FTSJ3: variants seen among roughly 807,000 people sequenced by gnomAD.
FTSJ3 encodes the protein FtsJ RNA 2'-O-methyltransferase 3, also known as pre-rRNA 2'-O-ribose RNA methyltransferase FTSJ3.
A neutral mutation model predicts 111.5 loss-of-function variants in FTSJ3; 46 were observed. The observed-to-expected ratio is 0.41, with a 90% CI of 0.33 to 0.53. The LOEUF is 0.53. FTSJ3 is among the 20% of genes least tolerant of loss of function. FTSJ3 has a pLI of 0.19. For synonymous variants in FTSJ3, 408 were observed against 383.0 expected, an observed-to-expected ratio of 1.07 and a Z score of -0.76; for missense variants, 1,075 against 1,063.8, an observed-to-expected ratio of 1.01 and a Z score of -0.15.
Position 63,822,153 on chromosome 17 carries a change from T to C in FTSJ3, c.1306A>G (p.Thr436Ala). 1.2e-6 allele frequency: 2 copies of C among 1,613,724 alleles called. No homozygotes were observed. The highest frequency in any genetic ancestry group is 1.7e-6 in the Non-Finnish European group (2 of 1,179,772). ...IRGHQLLEEV[T>A]QGDMSAADTF... ...TCTGCTGCACTCATATCCCCTTGTGTTACTTCCTCTAATAACTGAAGTGTA... is the reference window on the plus strand; with the variant it reads ...TCTGCTGCACTCATATCCCCTTGTGCTACTTCCTCTAATAACTGAAGTGTA... The change falls in exon 14 of 21, where the codon ACA becomes GCA. Residue 436 changes from threonine (T) to alanine (A), a missense_variant. Coordinates refer to ENST00000427159, the MANE Select transcript of FTSJ3 (RefSeq NM_017647.4).
In FTSJ3 at chr17:63,822,071, T is replaced by A. The variant is rs1305082014; in HGVS notation, c.1388A>T (p.Asp463Val). 4.3e-6 allele frequency: 7 copies of A among 1,614,214 alleles called. No homozygotes were observed. In the South Asian group the frequency reaches 7.7e-5, roughly 18 times the overall value. ...ACTATCCAGAGATGTGTCATCACCG[T>A]CGTCCTCAACATCTGACACATAGAT... ...DDIYVSDVED[D>V]GDDTSLDSDL... The change falls in exon 14 of 21, where the codon GAC becomes GTC. Residue 463 changes from aspartate to valine, a missense_variant. Physicochemically the swap from Asp to Val is radical, Grantham distance 152. Transcript: ENST00000427159.
Position 63,827,502 on chromosome 17 carries a change from C to T in FTSJ3, c.-477G>A. On this transcript the variant is annotated 5_prime_UTR_variant, in exon 1 of 21. Coordinates refer to ENST00000427159, the MANE Select transcript of FTSJ3 (RefSeq NM_017647.4). ...GCTGAAGAGAGAAGATGGCGCTTGA[C>T]GGACCAGAGCAGGTATGGCGGGTGC... The T allele has an allele frequency of 6.4e-7, 1 of 1,551,772 alleles. No homozygotes were observed. Among genetic ancestry groups the T allele is most frequent in the South Asian group, 1.2e-5 (1 of 84,070 alleles).
At position 63,827,471 on chromosome 17, in the gene FTSJ3, G is replaced by A; in HGVS notation, c.-446C>T. The A allele has an allele frequency of 6.4e-7, 1 of 1,551,752 alleles. No homozygotes were observed. The highest frequency in any genetic ancestry group is 8.7e-7 in the Non-Finnish European group (1 of 1,147,008). On this transcript the variant is annotated 5_prime_UTR_variant, in exon 1 of 21. Transcript: ENST00000427159. ...CGCCAAGACGGCTCGGATGCCGGCG[G>A]TCTCTGCTGAAGAGAGAAGATGGCG...
Position 63,824,135 on chromosome 17 carries a change from AGTT to A in FTSJ3, c.1100_1102del (p.Gln367del), listed in dbSNP as rs771936248. The A allele has an allele frequency of 1.9e-5, 31 of 1,613,938 alleles. No homozygotes were observed. The highest frequency in any genetic ancestry group is 1.3e-4 in the Admixed American group (8 of 59,996). Reference sequence around the variant, plus strand: ...CTTCATTTCTGCCAAGGTCTGGTTCAGTTGTTCCTCCTCCTCCTCTTCCTCCTC... The same window carrying A: ...CTTCATTTCTGCCAAGGTCTGGTTCAGTTCCTCCTCCTCCTCTTCCTCCTC... On this transcript the variant is annotated inframe_deletion, in exon 12 of 21. Transcript: ENST00000427159.
At position 63,825,227 on chromosome 17, in the gene FTSJ3, G is replaced by A. The variant is rs1370283295; in HGVS notation, c.595+15C>T. 6 of 1,614,076 alleles carry A rather than the reference G, an allele frequency of 3.7e-6. No individual in the cohort carries two copies. Among genetic ancestry groups the A allele is most frequent in the Non-Finnish European group, 5.1e-6 (6 of 1,179,984 alleles). On this transcript the variant is annotated intron_variant, in intron 7 of 20. Coordinates refer to ENST00000427159, the MANE Select transcript of FTSJ3 (RefSeq NM_017647.4). ...AGTTGGGAGCCTGGATCAAGAGAAA[G>A]GAAATGATGCCCACCTTGGCAGACT...
chr17:63,822,173 A>G lies in FTSJ3; in HGVS notation c.1291-5T>C, dbSNP rs746117526. On this transcript the variant is annotated splice_polypyrimidine_tract_variant and splice_region_variant and intron_variant, in intron 13 of 20. Coordinates refer to ENST00000427159, the MANE Select transcript of FTSJ3 (RefSeq NM_017647.4). Reference sequence around the variant, plus strand: ...TTGTGTTACTTCCTCTAATAACTGAAGTGTAACAGAAACAAAGGTAAACTA... The same window carrying G: ...TTGTGTTACTTCCTCTAATAACTGAGGTGTAACAGAAACAAAGGTAAACTA... The G allele has an allele frequency of 6.2e-7, 1 of 1,611,832 alleles. No individual in the cohort carries two copies. Among genetic ancestry groups the G allele is most frequent in the Non-Finnish European group, 8.5e-7 (1 of 1,178,734 alleles).
At chr17:63,825,996 G>T in intron 5 of FTSJ3, 60 bp downstream of exon 5, 1 of 1,399,656 alleles carries the variant, frequency 7.1e-7, no homozygotes, top group Non-Finnish European at 9.9e-7. Context: ...GCCTTTAGAG[G>T]ATTTCAGGGA....
Position 63,822,217 on chromosome 17 carries a change from GT to G in FTSJ3, c.1291-50del, listed in dbSNP as rs748367863. ...TAAACTATTTAAAAGGAAATATACT[GT>G]TTTTTTTTCTGTGTCCCTCACCTCA... is the stretch of plus-strand genomic sequence containing the variant. On this transcript the variant is annotated intron_variant, in intron 13 of 20. Transcript: ENST00000427159. 44 of 1,480,994 alleles carry G rather than the reference GT, an allele frequency of 3.0e-5. No individual in the cohort carries two copies. The East Asian group carries it at 4.2e-4, about 14-fold the overall frequency. 91.7% of individuals were successfully genotyped at this position (1,480,994 alleles called of 1,614,324 possible). A position where few individuals can be genotyped will look rare whatever the true frequency, so the allele number is the denominator to read the frequency against.
At chr17:63,821,866 G>A (rs1340925419) in intron 14 of FTSJ3, 23 bp from the exon 15 acceptor site, 7 of 1,613,984 alleles carry the variant, frequency 4.3e-6, no homozygotes, top group Admixed American at 1.7e-5. Context: ...AGGAAAGTAG[G>A]GGGCTCAGAG....
At position 63,821,475 on chromosome 17, in the gene FTSJ3, C is replaced by T. The variant is rs1330541039; in HGVS notation, c.1765G>A (p.Asp589Asn). The change falls in exon 16 of 21, where the codon GAT (aspartate) becomes AAT (asparagine). Residue 589 changes from aspartate (D) to asparagine (N), a missense_variant. By Grantham distance (23) the Asp-to-Asn change is conservative. This residue lies in a region of FTSJ3 where 867 missense variants were observed against 796.9 expected (regional missense o/e 1.09). Transcript: ENST00000427159. ...GCCTCTGTTCCCTTAGGGGCTTCATCTTGGTACAGGGGAGACATTATCTCA... is the reference window on the plus strand; with the variant it reads ...GCCTCTGTTCCCTTAGGGGCTTCATTTTGGTACAGGGGAGACATTATCTCA... ...KTEIMSPLYQDEAPKGTEASS... is the reference protein window; with the variant it reads ...KTEIMSPLYQNEAPKGTEASS... 4 of 1,614,096 alleles carry T rather than the reference C, an allele frequency of 2.5e-6. No individual in the cohort carries two copies. In the African/African-American group the frequency reaches 5.3e-5, roughly 22 times the overall value.
intron 1 of FTSJ3, 37 bp downstream of exon 1, chr17:63,827,010 TTCCCG>T: frequency 1.4e-6 from 1 of 708,320 alleles, no homozygotes; most frequent in Non-Finnish European, 2.3e-6. Flanking sequence ...AGTTTCCCAC[TTCCCG>T]CAGCAATTCC....
chr17:63,826,057 T>G lies in FTSJ3; in HGVS notation c.299A>C (p.Gln100Pro), dbSNP rs753243085. ...QQDITTERCR[Q>P]ALRKELKTWK... ...AAGGAAGAGAGAGACTCCTATTACC[T>G]GCCTACAACGTTCTGTTGTGATGTC... Residue 100 changes from glutamine to proline, a missense_variant and splice_region_variant, in exon 5 of 21, where the codon CAG becomes CCG. Gln to Pro is a moderately conservative substitution (Grantham distance 76, BLOSUM62 -1). This residue lies in a region of FTSJ3 where 208 missense variants were observed against 266.9 expected (regional missense o/e 0.78). Coordinates refer to ENST00000427159, the MANE Select transcript of FTSJ3 (RefSeq NM_017647.4). The G allele has an allele frequency of 1.9e-6, 3 of 1,608,300 alleles. No individual in the cohort carries two copies. The South Asian group carries it at 3.3e-5, about 18-fold the overall frequency.
chr17:63,820,481 T>C, intron 18 of FTSJ3, 43 bp from the exon 19 acceptor site: 1 of 1,597,302 alleles, frequency 6.3e-7, no homozygotes, highest in Non-Finnish European at 8.6e-7. Context: ...CATTCCAGGC[T>C]TTCTAAAGAA....
In FTSJ3 at chr17:63,827,534, G is replaced by T. The variant is rs76411035; in HGVS notation, c.-509C>A. 6.6e-3 allele frequency: 10,189 copies of T among 1,551,498 alleles called. 559 individuals are homozygous for T. In the African/African-American group the frequency reaches 0.12, roughly 18 times the overall value. On this transcript the variant is annotated 5_prime_UTR_variant, in exon 1 of 21. Coordinates refer to ENST00000427159, the MANE Select transcript of FTSJ3 (RefSeq NM_017647.4). ...GAGCAGGTATGGCGGGTGCAGTGGC[G>T]GCCCGGCAGGTTACGGGGCTGGGTG... is the stretch of plus-strand genomic sequence containing the variant.
chr17:63,821,681 A>T, intron 15 of FTSJ3, 38 bp from the exon 16 acceptor site: 1 of 1,614,026 alleles, frequency 6.2e-7, no homozygotes, highest in Non-Finnish European at 8.5e-7. Context: ...TCTCCCAAGG[A>T]AGACTCATCT....
At chr17:63,825,868 A>G (rs1371502663) in intron 5 of FTSJ3, 188 bp downstream of exon 5, 2 of 639,060 alleles carry the variant, frequency 3.1e-6, no homozygotes, top group Non-Finnish European at 5.4e-6. Context: ...TCCCAATTCC[A>G]AACACCTTTA....
chr17:63,826,365 A>T, intron 3 of FTSJ3, 61 bp from the exon 4 acceptor site: 10 of 1,501,778 alleles, frequency 6.7e-6, no homozygotes, highest in Non-Finnish European at 9.3e-6. Context: ...TTGGCAACTG[A>T]TCTCTCATCC....
In FTSJ3 at chr17:63,827,476, T is replaced by G; in HGVS notation, c.-451A>C. 6.4e-7 allele frequency: 1 copy of G among 1,551,716 alleles called. No individual in the cohort carries two copies. On this transcript the variant is annotated 5_prime_UTR_variant, in exon 1 of 21. Transcript: ENST00000427159. ...AGACGGCTCGGATGCCGGCGGTCTC[T>G]GCTGAAGAGAGAAGATGGCGCTTGA...
Position 63,819,834 on chromosome 17 carries a change from T to G in FTSJ3, c.2512A>C (p.Lys838Gln). 6.2e-7 allele frequency: 1 copy of G among 1,613,894 alleles called. No individual in the cohort carries two copies. The highest frequency in any genetic ancestry group is 8.5e-7 in the Non-Finnish European group (1 of 1,179,934). Residue 838 changes from lysine (K) to glutamine (Q), a missense_variant, in exon 21 of 21, where the codon AAG becomes CAG. Coordinates refer to ENST00000427159, the MANE Select transcript of FTSJ3 (RefSeq NM_017647.4). ...MKKDQRAQQRKEQKKKHKRK is the reference protein window; with the variant it reads ...MKKDQRAQQRQEQKKKHKRK ...CGTTTGTGTTTTTTCTTTTGTTCCT[T>G]ACGTTGCTGTGCTCTTTGGTCCTTC...
Sources: gnomAD v4.1 joint callset for allele counts on GRCh38, gnomAD v4.1.1 for gene constraint, gnomAD v4.1.1 regional missense constraint, MANE v1.5 for transcripts, NCBI Gene and HGNC (gene_info 2026-07-23, HGNC 2026-07-21) for gene names.